USP40: variants seen among roughly 807,000 people sequenced by gnomAD.
USP40 encodes the protein ubiquitin specific peptidase 40.
A neutral mutation model predicts 166.2 loss-of-function variants in USP40; 143 were observed. That is an observed-to-expected ratio of 0.86 (90% confidence interval 0.75 to 0.99). USP40 has a LOEUF of 0.99. Among genes scored for constraint, USP40 ranks in the 50% least tolerant of loss-of-function variants. The pLI is 0.00. For synonymous variants in USP40, 498 were observed against 524.0 expected, an observed-to-expected ratio of 0.95 and a Z score of 0.68; for missense variants, 1,444 against 1,479.7, an observed-to-expected ratio of 0.98 and a Z score of 0.40.
At chr2:233,549,692 T>C (rs548327992) in intron 7 of USP40, among the ~76,000 whole-genome samples, 41 of 152,168 alleles carry the variant, frequency 2.7e-4, no homozygotes, top group African/African-American at 9.6e-4. Context: ...CTATTTCAAC[T>C]AGGTTGTCAT....
chr2:233,484,504 A>T (rs1275613845), intron 30 of USP40, among the ~76,000 whole-genome samples: 2 of 148,318 alleles, frequency 1.3e-5, no homozygotes, highest in Admixed American at 6.7e-5. Context: ...TTTTGGAGAC[A>T]GGATCTCTGT....
chr2:233,566,739 C>T lies in USP40; in HGVS notation c.-75G>A. 2 of 985,936 alleles carry T rather than the reference C, an allele frequency of 2.0e-6. No homozygotes were observed. The highest frequency in any genetic ancestry group is 2.4e-6 in the Non-Finnish European group (2 of 829,958). The allele number at this position is 985,936 out of a possible 1,614,324, so 61.1% of individuals were successfully genotyped here. A position where few individuals can be genotyped will look rare whatever the true frequency, so the allele number is the denominator to read the frequency against. On this transcript the variant is annotated 5_prime_UTR_variant, in exon 1 of 32. It introduces an in-frame stop codon into an upstream open reading frame of the 5' UTR. Coordinates refer to ENST00000678225, the MANE Select transcript of USP40 (RefSeq NM_001365479.2). The stretch of plus-strand genomic sequence containing the variant: ...AAACGCGAAGCGAACGAACCCGCCC[C>T]AACTGGGCGCCGCCATGTTGGCGAG...
At chr2:233,561,011 T>G in intron 3 of USP40, 1 of 947,836 alleles carries the variant, frequency 1.1e-6, no homozygotes, top group Non-Finnish European at 1.7e-6. Context: ...CCATTACCCA[T>G]AGGGTATAGG....
At chr2:233,543,074 C>T (rs11690686) in intron 8 of USP40, among the ~76,000 whole-genome samples, 126,240 of 152,160 alleles carry the variant, frequency 0.83, 52,620 homozygotes, top group East Asian at 0.99. Context: ...TATTTCCTGA[C>T]CATCCAAGTT....
chr2:233,493,638 G>A lies in USP40; in HGVS notation c.2791-87C>T. The A allele has an allele frequency of 3.7e-6, 5 of 1,369,794 alleles. No homozygotes were observed. Among genetic ancestry groups the A allele is most frequent in the Non-Finnish European group, 4.9e-6 (5 of 1,025,384 alleles). 84.9% of individuals were successfully genotyped at this position (1,369,794 alleles called of 1,614,324 possible). ...CTTCCATAGAAAGAAACACCTTGAT[G>A]ACCTAAGATGTTCTTGAACTTATCA... On this transcript the variant is annotated intron_variant, in intron 24 of 31. Coordinates refer to ENST00000678225, the MANE Select transcript of USP40 (RefSeq NM_001365479.2). The surrounding 1 kb of genome is among the most constrained non-coding windows in gnomAD (Gnocchi z 4.7).
intron 22 of USP40, among the ~76,000 whole-genome samples, chr2:233,498,937 T>C (rs1369268229): frequency 6.6e-6 from 1 of 152,210 alleles, no homozygotes; most frequent in Admixed American, 6.5e-5. Flanking sequence ...TTGGAATCAA[T>C]AAAATTGAAA....
intron 15 of USP40, among the ~76,000 whole-genome samples, chr2:233,523,855 T>C (rs2067828083): frequency 6.6e-6 from 1 of 152,106 alleles, no homozygotes; most frequent in Non-Finnish European, 1.5e-5. Context: ...CAACTCAGTA[T>C]AGATTCTCAC....
At chr2:233,479,291 G>A (rs997203475) in intron 31 of USP40, among the ~76,000 whole-genome samples, 4 of 152,166 alleles carry the variant, frequency 2.6e-5, no homozygotes, top group Admixed American at 6.5e-5. Context: ...AGAGCCAGGC[G>A]CGGTGGCTCA....
chr2:233,519,680 GA>G lies in USP40; in HGVS notation c.2326-10del. ...CGAATATCAAACACCATCTAAAACA[GA>G]GAAATAAAATAATGACTAAGTTGTA... is the stretch of plus-strand genomic sequence containing the variant. On this transcript the variant is annotated splice_polypyrimidine_tract_variant and intron_variant, in intron 17 of 31. Transcript: ENST00000678225. 7.3e-7 allele frequency: 1 copy of G among 1,378,086 alleles called. No homozygotes were observed. Among genetic ancestry groups the G allele is most frequent in the South Asian group, 1.3e-5 (1 of 74,970 alleles). 85.4% of individuals were successfully genotyped at this position (1,378,086 alleles called of 1,614,324 possible). A position where few individuals can be genotyped will look rare whatever the true frequency, so the allele number is the denominator to read the frequency against.
At position 233,565,559 on chromosome 2, in the gene USP40, A is replaced by G. The variant is rs1000050197; in HGVS notation, c.-5T>C. 4 of 1,536,530 alleles carry G rather than the reference A, an allele frequency of 2.6e-6. No homozygotes were observed. The highest frequency in any genetic ancestry group is 3.5e-6 in the Non-Finnish European group (4 of 1,146,662). On this transcript the variant is annotated 5_prime_UTR_variant, in exon 2 of 32. Coordinates refer to ENST00000678225, the MANE Select transcript of USP40 (RefSeq NM_001365479.2). The stretch of plus-strand genomic sequence containing the variant: ...TTCAAACAGGTCCCCAAACATTGTG[A>G]AACTAAATACTACCCTTAAAAAAAG...
chr2:233,526,715 G>A (rs958353886), intron 13 of USP40, among the ~76,000 whole-genome samples: 1 of 152,092 alleles, frequency 6.6e-6, no homozygotes, highest in Non-Finnish European at 1.5e-5. Context: ...ATGAAGAGTA[G>A]GGAGAAGAGG....
chr2:233,548,981 G>A, intron 8 of USP40, 120 bp downstream of exon 8: 1 of 871,808 alleles, frequency 1.1e-6, no homozygotes, highest in Non-Finnish European at 1.7e-6. Context: ...AACTTTCAGT[G>A]CCTATCAAAG....
At chr2:233,496,264 T>C (rs553743598) in intron 24 of USP40, among the ~76,000 whole-genome samples, 1 of 152,352 alleles carries the variant, frequency 6.6e-6, no homozygotes, top group African/African-American at 2.4e-5. Flanking sequence ...AGTAGTGCTA[T>C]GCGATGCTTA....
intron 4 of USP40, among the ~76,000 whole-genome samples, chr2:233,557,362 C>CAG (rs2071188239): frequency 6.6e-6 from 1 of 152,204 alleles, no homozygotes; most frequent in South Asian, 2.1e-4. Flanking sequence ...TAAGAGCTGG[C>CAG]AGTGTCTGCA....
Position 233,533,769 on chromosome 2 carries a change from A to G in USP40, c.1181T>C (p.Leu394Pro), listed in dbSNP as rs753182502. The G allele has an allele frequency of 6.3e-7, 1 of 1,593,056 alleles. No homozygotes were observed. Among genetic ancestry groups the G allele is most frequent in the South Asian group, 1.1e-5 (1 of 88,696 alleles). Residue 394 changes from leucine (L) to proline (P), a missense_variant, in exon 11 of 32, where the codon CTC (leucine) becomes CCC (proline). Transcript: ENST00000678225. ...ACTGAGTAGAAATATCTGAGAATGG[A>G]GCTGTAAGAACTACACAGAAACAAA... ...QHGPLRKFLQ[L>P]HSQIFLLSSD...
chr2:233,516,468 C>T (rs761172147), intron 18 of USP40, among the ~76,000 whole-genome samples: 40 of 152,046 alleles, frequency 2.6e-4, no homozygotes, highest in African/African-American at 9.2e-4. Context: ...AAGGCCTAGG[C>T]GGGCGGATCA....
chr2:233,480,108 C>T lies in USP40; in HGVS notation c.3599+1095G>A, dbSNP rs80062238. 0.092 allele frequency among the ~76,000 whole-genome samples: 13,988 copies of T among 152,218 alleles called. 805 individuals are homozygous for T. Among genetic ancestry groups the T allele is most frequent in the Middle Eastern group, 0.17 (50 of 294 alleles). ...CGAACCCCCACTTCTGCCATGGTCA[C>T]GAGGTCACGCTCACCTGCCCTGCCA... is the stretch of plus-strand genomic sequence containing the variant. On this transcript the variant is annotated intron_variant, in intron 31 of 31. Coordinates refer to ENST00000678225, the MANE Select transcript of USP40 (RefSeq NM_001365479.2). The surrounding 1 kb of genome is among the most constrained non-coding windows in gnomAD (Gnocchi z 4.5).
At position 233,499,122 on chromosome 2, in the gene USP40, T is replaced by C. The variant is rs185983524; in HGVS notation, c.2651-510A>G. Reference sequence around the variant, plus strand: ...CCTAGGTATTAAGCCCAGAATGTATTAGCAATTTTTCCTGATGCTCTCCCT... The same window carrying C: ...CCTAGGTATTAAGCCCAGAATGTATCAGCAATTTTTCCTGATGCTCTCCCT... On this transcript the variant is annotated intron_variant, in intron 22 of 31. Coordinates refer to ENST00000678225, the MANE Select transcript of USP40 (RefSeq NM_001365479.2). Among the ~76,000 whole-genome samples the C allele has an allele frequency of 2.3e-4, 35 of 152,210 alleles. 1 individual carries two copies. Among genetic ancestry groups the C allele is most frequent in the Admixed American group, 1.9e-3 (29 of 15,292 alleles).
At position 233,481,296 on chromosome 2, in the gene USP40, TTC is replaced by T; in HGVS notation, c.3505-1_3505del. The T allele has an allele frequency of 2.5e-6, 4 of 1,593,436 alleles. No homozygotes were observed. Among genetic ancestry groups the T allele is most frequent in the Non-Finnish European group, 3.4e-6 (4 of 1,168,804 alleles). The stretch of plus-strand genomic sequence containing the variant: ...ATCATCATCGTCGTCAATCAGGAGA[TTC>T]TACATTTCAAAAGAAGTAATGAGCA... On this transcript the variant is annotated splice_acceptor_variant and coding_sequence_variant, in exon 31 of 32. Coordinates refer to ENST00000678225, the MANE Select transcript of USP40 (RefSeq NM_001365479.2). LOFTEE classifies it high-confidence loss of function.
Sources: gnomAD v4.1 joint callset for allele counts (sites outside exome capture counted in the v4.1 genomes callset) on GRCh38, gnomAD v4.1.1 for gene constraint, Gnocchi (gnomAD v3.1) non-coding constraint, MANE v1.5 for transcripts, NCBI Gene and HGNC (gene_info 2026-07-23, HGNC 2026-07-21) for gene names.